The following MAGI2 variants were observed in gnomAD, a reference collection of about 807,000 sequenced individuals.
MAGI2 encodes the protein membrane-associated guanylate kinase, WW and PDZ domain-containing protein 2.
A neutral mutation model predicts 133.3 loss-of-function variants in MAGI2; 35 were observed. The observed-to-expected ratio is 0.26, with a 90% confidence interval of 0.20 to 0.35. The LOEUF (loss-of-function observed/expected upper bound fraction) is 0.35, where lower values mean the gene tolerates loss of function less well. Ranked by LOEUF, MAGI2 falls within the 10% of genes least tolerant of loss-of-function variation. MAGI2 has a pLI of 1.00. For synonymous variants in MAGI2, 729 were observed against 710.6 expected, an observed-to-expected ratio of 1.03 and a Z score of -0.41; for missense variants, 1,636 against 1,863.4, an observed-to-expected ratio of 0.88 and a Z score of 2.25.
intron 1 of MAGI2, among the ~76,000 whole-genome samples, chr7:79,022,646 CA>C (rs61289194): frequency 0.086 from 10,138 of 118,530 alleles, 369 homozygotes; most frequent in African/African-American, 0.1. Context: ...AGACAAGATC[CA>C]AAAAAAAAAA....
intron 1 of MAGI2, among the ~76,000 whole-genome samples, chr7:79,215,755 ATCAAGC>A (rs1829976650): frequency 6.6e-6 from 1 of 151,934 alleles, no homozygotes. Context: ...AATGTATAAA[ATCAAGC>A]TGTAACTCAA....
intron 6 of MAGI2, among the ~76,000 whole-genome samples, chr7:78,429,111 TGAGTACAG>T (rs1380385815): frequency 1.3e-5 from 2 of 152,172 alleles, no homozygotes; most frequent in Non-Finnish European, 2.9e-5. Context: ...GTTTCTATAA[TGAGTACAG>T]GAGGGAGGCC....
At chr7:78,724,412 A>G (rs975494136) in intron 2 of MAGI2, among the ~76,000 whole-genome samples, 1 of 152,206 alleles carries the variant, frequency 6.6e-6, no homozygotes. Context: ...TGATGGTACC[A>G]TAGTTGTAGA....
intron 9 of MAGI2, among the ~76,000 whole-genome samples, chr7:78,309,027 G>GAA (rs35880932): frequency 5.9e-5 from 9 of 151,872 alleles, no homozygotes; most frequent in Non-Finnish European, 1.0e-4. Context: ...TATTAAAAAG[G>GAA]AAAAAAATAA....
intron 15 of MAGI2, among the ~76,000 whole-genome samples, chr7:78,162,706 G>C (rs991654920): frequency 6.6e-6 from 1 of 152,006 alleles, no homozygotes; most frequent in Non-Finnish European, 1.5e-5. Flanking sequence ...ATTGCCTTTG[G>C]ACTTCTCTTT....
Position 78,334,525 on chromosome 7 carries a change from T to G in MAGI2, c.1408+9253A>C, listed in dbSNP as rs116233275. ...ATGTAAAGATTAGGGTTTTTTCTGT[T>G]GGATAGAAGCCCATAGTCTCCACCC... On this transcript the variant is annotated intron_variant, in intron 9 of 21. Coordinates refer to ENST00000354212, the MANE Select transcript of MAGI2 (RefSeq NM_012301.4). Among the ~76,000 whole-genome samples the G allele has an allele frequency of 1.4e-3, 220 of 152,318 alleles. 2 individuals are homozygous for G. Among genetic ancestry groups the G allele is most frequent in the African/African-American group, 4.9e-3 (203 of 41,576 alleles).
intron 9 of MAGI2, among the ~76,000 whole-genome samples, chr7:78,310,254 G>A (rs1186983714): frequency 1.3e-5 from 2 of 152,044 alleles, no homozygotes; most frequent in Non-Finnish European, 2.9e-5. Flanking sequence ...GGCCAACATG[G>A]TGAAACCCCG....
At chr7:78,298,354 ATAAAG>A (rs754482467) in intron 9 of MAGI2, among the ~76,000 whole-genome samples, 1 of 152,256 alleles carries the variant, frequency 6.6e-6, no homozygotes, top group African/African-American at 2.4e-5. Flanking sequence ...GGAAATCTTA[ATAAAG>A]TATAGACGTT....
chr7:78,133,004 G>C lies in MAGI2; in HGVS notation c.3088C>G (p.Gln1030Glu). Residue 1030 changes from glutamine to glutamate, a missense_variant, in exon 18 of 22, where the codon CAG becomes GAG. Gln to Glu is a conservative substitution (Grantham distance 29, BLOSUM62 2). Transcript: ENST00000354212. ...GGACTCTGCTGTGCCAGGGGACTCT[G>C]CTGCGCCATGGGACTCTGCTTCTCT... ...SSEKQSPMAQ[Q>E]SPLAQQSPLA... 1 of 1,608,064 alleles carries C rather than the reference G, an allele frequency of 6.2e-7. No individual in the cohort carries two copies. Among genetic ancestry groups the C allele is most frequent in the African/African-American group, 1.3e-5 (1 of 74,618 alleles).
At chr7:78,818,694 CAAGAT>C (rs1174099427) in intron 2 of MAGI2, among the ~76,000 whole-genome samples, 8 of 152,102 alleles carry the variant, frequency 5.3e-5, no homozygotes, top group Non-Finnish European at 1.0e-4. Context: ...CCTCGTTGGG[CAAGAT>C]AAGATGACTT....
chr7:78,208,998 G>A (rs1237670233), intron 10 of MAGI2, among the ~76,000 whole-genome samples: 2 of 150,506 alleles, frequency 1.3e-5, no homozygotes, highest in African/African-American at 2.4e-5. Flanking sequence ...CGAGGCAGGT[G>A]GATCACGAGG....
chr7:78,027,640 AAAAG>A (rs1168166879), intron 21 of MAGI2, among the ~76,000 whole-genome samples: 6 of 142,470 alleles, frequency 4.2e-5, no homozygotes, highest in African/African-American at 1.3e-4. Context: ...AAAAAAAAAA[AAAAG>A]AAAGAAAAAG....
chr7:78,759,374 C>T (rs12534800), intron 2 of MAGI2, among the ~76,000 whole-genome samples: 9,399 of 152,140 alleles, frequency 0.062, 329 homozygotes, highest in African/African-American at 0.068. Flanking sequence ...AAGATGCTTA[C>T]ATAATCCTCA....
intron 1 of MAGI2, among the ~76,000 whole-genome samples, chr7:79,276,481 T>C (rs1427249498): frequency 6.6e-6 from 1 of 152,160 alleles, no homozygotes; most frequent in Admixed American, 6.5e-5. Context: ...TTGTTAGAAT[T>C]TTTTAGCAAT....
chr7:78,913,022 C>G (rs1021663905), intron 2 of MAGI2, among the ~76,000 whole-genome samples: 2 of 151,832 alleles, frequency 1.3e-5, no homozygotes, highest in African/African-American at 4.8e-5. Flanking sequence ...GCAGAGGGAA[C>G]AGCTGTTTTG....
At chr7:78,658,512 T>A (rs1812554394) in intron 2 of MAGI2, among the ~76,000 whole-genome samples, 2 of 152,138 alleles carry the variant, frequency 1.3e-5, no homozygotes. Context: ...TATGAAAGAC[T>A]CTGTTAAGAG....
At chr7:78,700,789 A>T (rs1390342025) in intron 2 of MAGI2, among the ~76,000 whole-genome samples, 4 of 151,944 alleles carry the variant, frequency 2.6e-5, no homozygotes, top group East Asian at 1.9e-4. Flanking sequence ...ATCATTTCTC[A>T]TCGTGACACT....
intron 1 of MAGI2, among the ~76,000 whole-genome samples, chr7:79,348,945 C>T (rs1471234791): frequency 1.3e-5 from 2 of 151,944 alleles, no homozygotes; most frequent in Non-Finnish European, 2.9e-5. Flanking sequence ...AGCAACTCTG[C>T]TCCACATCAT....
chr7:78,557,080 C>CAAAAAAAAAAAAAAAAAAAAAAAAAAA (rs796371005), intron 3 of MAGI2, among the ~76,000 whole-genome samples: 12 of 40,912 alleles, frequency 2.9e-4, no homozygotes, highest in South Asian at 9.1e-4. Flanking sequence ...GGCAGAGTCT[C>CAAAAAAAAAAAAAAAAAAAAAAAAAAA]AAAAAAAAAA....
Sources: allele counts gnomAD v4.1 joint callset (sites outside exome capture counted in the v4.1 genomes callset), GRCh38; gene constraint gnomAD v4.1.1; transcripts MANE v1.5; gene names NCBI Gene and HGNC (gene_info 2026-07-23, HGNC 2026-07-21).